SOS1: variants seen among roughly 807,000 people sequenced by gnomAD.
SOS1 encodes son of sevenless homolog 1.
In SOS1, 25 loss-of-function variants were observed where a neutral mutation model predicts 157.6. That is an observed-to-expected ratio of 0.16 (90% CI 0.12 to 0.22). SOS1 has a LOEUF of 0.22. SOS1 is among the 10% of genes least tolerant of loss of function. The pLI is 1.00. For missense variants in SOS1, 1,237 were observed against 1,599.1 expected (o/e 0.77, Z 3.86); for synonymous variants, 528 against 534.0 (o/e 0.99, Z 0.16).
chr2:39,011,582 A>G (rs1669475600), intron 14 of SOS1, among the ~76,000 whole-genome samples: 1 of 152,226 alleles, frequency 6.6e-6, no homozygotes, highest in Non-Finnish European at 1.5e-5. Flanking sequence ...TTAAAAAGTG[A>G]ATAATTTAAG....
Position 39,010,692 on chromosome 2 carries a change from G to A in SOS1, c.2402C>T (p.Pro801Leu). The A allele has an allele frequency of 6.2e-7, 1 of 1,606,762 alleles. No homozygotes were observed. The highest frequency in any genetic ancestry group is 8.5e-7 in the Non-Finnish European group (1 of 1,173,554). Residue 801 changes from proline (P) to leucine (L), a missense_variant, in exon 15 of 23, where the codon CCA becomes CTA. Pro to Leu is a moderately conservative substitution (Grantham distance 98). Transcript: ENST00000402219. ...LESDLYRAVQPSELVGSVWTK... is the reference protein window; with the variant it reads ...LESDLYRAVQLSELVGSVWTK... Reference sequence around the variant, plus strand: ...CCACACACTTCCAACTAATTCTGATGGCTGTACAGCTCTAAAATCATCAAT... The same window carrying A: ...CCACACACTTCCAACTAATTCTGATAGCTGTACAGCTCTAAAATCATCAAT...
At chr2:39,021,635 A>C (rs1164062259) in intron 10 of SOS1, among the ~76,000 whole-genome samples, 2 of 151,634 alleles carry the variant, frequency 1.3e-5, no homozygotes, top group African/African-American at 4.8e-5. Flanking sequence ...AAAAGTACTT[A>C]GGATGAAATG....
At chr2:39,119,321 T>C (rs1673776635) in intron 1 of SOS1, among the ~76,000 whole-genome samples, 1 of 152,218 alleles carries the variant, frequency 6.6e-6, no homozygotes, top group Non-Finnish European at 1.5e-5. Flanking sequence ...TAGTTTCCAC[T>C]GTAAGACAGC....
chr2:39,084,132 C>T (rs1672296043), intron 1 of SOS1, among the ~76,000 whole-genome samples: 1 of 152,124 alleles, frequency 6.6e-6, no homozygotes, highest in Admixed American at 6.6e-5. Flanking sequence ...TCATCTTGGG[C>T]TTCTAGCCTC....
At chr2:39,049,083 A>G (rs1034368812) in intron 6 of SOS1, among the ~76,000 whole-genome samples, 3 of 151,814 alleles carry the variant, frequency 2.0e-5, no homozygotes, top group African/African-American at 4.8e-5. Context: ...ACGCCCGGCT[A>G]ATTTTTGTAT....
At chr2:39,051,837 A>G (rs1671029715) in intron 5 of SOS1, among the ~76,000 whole-genome samples, 1 of 152,190 alleles carries the variant, frequency 6.6e-6, no homozygotes, top group Non-Finnish European at 1.5e-5. Context: ...GTGACACATT[A>G]TTTCAAAGTA....
At chr2:39,110,001 T>C (rs1186835958) in intron 1 of SOS1, among the ~76,000 whole-genome samples, 1 of 150,604 alleles carries the variant, frequency 6.6e-6, no homozygotes, top group Non-Finnish European at 1.5e-5. Flanking sequence ...AGCCTAGAAA[T>C]AAACTGACAG....
At chr2:39,050,717 T>C (rs549936190) in intron 6 of SOS1, among the ~76,000 whole-genome samples, 23 of 152,296 alleles carry the variant, frequency 1.5e-4, no homozygotes, top group African/African-American at 5.1e-4. Context: ...ATCATTCTTA[T>C]TTTACAAATA....
Position 39,051,293 on chromosome 2 carries a change from T to TG in SOS1, c.721-7dup. The stretch of plus-strand genomic sequence containing the variant: ...CTAAATATATTTTCTACATCCTGTT[T>TG]GGGGGAAAACACATTAATTCAGTGA... On this transcript the variant is annotated splice_polypyrimidine_tract_variant and splice_region_variant and intron_variant, in intron 5 of 22. Transcript: ENST00000402219. The TG allele has an allele frequency of 6.2e-7, 1 of 1,609,976 alleles. No homozygotes were observed. The highest frequency in any genetic ancestry group is 8.5e-7 in the Non-Finnish European group (1 of 1,176,714).
rs149893273 is a variant in SOS1 at position 39,022,410 on chromosome 2, A to C, written c.1858+160T>G. The C allele has an allele frequency of 1.4e-5, 9 of 649,668 alleles. No homozygotes were observed. The African/African-American group carries it at 1.6e-4, about 12-fold the overall frequency. 40.2% of individuals were successfully genotyped at this position (649,668 alleles called of 1,614,324 possible). On this transcript the variant is annotated intron_variant, in intron 10 of 22. Coordinates refer to ENST00000402219, the MANE Select transcript of SOS1 (RefSeq NM_005633.4). ...GTATTTAAGTGTAGTAGAAAAAGTA[A>C]AACATTCCAAAGAAATATAAAGTGG... is the stretch of plus-strand genomic sequence containing the variant.
chr2:39,055,206 C>G (rs1194888255), intron 4 of SOS1, among the ~76,000 whole-genome samples: 3 of 152,088 alleles, frequency 2.0e-5, no homozygotes, highest in Non-Finnish European at 4.4e-5. Flanking sequence ...TTATAGCTGT[C>G]TATTCGGCCG....
At chr2:39,123,310 TG>T (rs1673959555), upstream of SOS1, among the ~76,000 whole-genome samples, 1 of 152,020 alleles carries the variant, frequency 6.6e-6, no homozygotes, top group African/African-American at 2.4e-5. Context: ...GTTTCCCTCC[TG>T]CCCCCAAATA....
intron 1 of SOS1, among the ~76,000 whole-genome samples, chr2:39,085,218 C>CA (rs1388912019): frequency 1.6e-4 from 24 of 151,602 alleles, no homozygotes; most frequent in Non-Finnish European, 3.1e-4. Context: ...GCTAATTTTT[C>CA]TTTTTTTTTG....
At chr2:39,020,072 T>C (rs920072525) in intron 10 of SOS1, among the ~76,000 whole-genome samples, 28 of 151,640 alleles carry the variant, frequency 1.8e-4, no homozygotes, top group African/African-American at 6.0e-4. Context: ...GTAGAAAATA[T>C]ACTCTATTTA....
In SOS1 at chr2:39,036,475, T is replaced by C. The variant is rs528619781; in HGVS notation, c.865-975A>G. ...AAACAATCCTCCCACCTCAGTCTCC[T>C]GAGTATCTGGGACCACAGGCGCACA... On this transcript the variant is annotated intron_variant, in intron 6 of 22. Coordinates refer to ENST00000402219, the MANE Select transcript of SOS1 (RefSeq NM_005633.4). Among the ~76,000 whole-genome samples, 232 of 152,274 alleles carry C rather than the reference T, an allele frequency of 1.5e-3. 1 individual carries two copies. Among genetic ancestry groups the C allele is most frequent in the African/African-American group, 5.4e-3 (223 of 41,554 alleles).
In SOS1 at chr2:38,985,660, T is replaced by G; in HGVS notation, c.*164A>C. ...AAACTGGAATACCATTTCCATTGTA[T>G]AATTACATCTAGGTTAAAATTCATT... On this transcript the variant is annotated 3_prime_UTR_variant, in exon 23 of 23. Coordinates refer to ENST00000402219, the MANE Select transcript of SOS1 (RefSeq NM_005633.4). The G allele has an allele frequency of 1.2e-6, 1 of 812,584 alleles. No homozygotes were observed. The highest frequency in any genetic ancestry group is 2.0e-6 in the Non-Finnish European group (1 of 488,718). 50.3% of individuals were successfully genotyped at this position (812,584 alleles called of 1,614,324 possible).
intron 1 of SOS1, among the ~76,000 whole-genome samples, chr2:39,113,308 A>G (rs1673510027): frequency 6.6e-6 from 1 of 151,490 alleles, no homozygotes. Flanking sequence ...TTCCCACTTC[A>G]GCCTCCTGAG....
intron 1 of SOS1, among the ~76,000 whole-genome samples, chr2:39,097,995 AG>A (rs1358777455): frequency 3.3e-5 from 5 of 152,374 alleles, no homozygotes; most frequent in African/African-American, 1.2e-4. Context: ...ATATCAATAC[AG>A]CAAAACTAAA....
intron 10 of SOS1, among the ~76,000 whole-genome samples, chr2:39,020,694 T>C (rs917893812): frequency 2.0e-5 from 3 of 151,742 alleles, no homozygotes; most frequent in Admixed American, 6.6e-5. Context: ...AGATGGTCTA[T>C]TAAAAACCAT....
Sources: allele counts gnomAD v4.1 joint callset (sites outside exome capture counted in the v4.1 genomes callset), GRCh38; gene constraint gnomAD v4.1.1; transcripts MANE v1.5; gene names NCBI Gene and HGNC (gene_info 2026-07-23, HGNC 2026-07-21).